Variants in SV2C observed in about 807,000 individuals in gnomAD.
SV2C encodes synaptic vesicle glycoprotein 2C, also known as solute carrier family 22 member B3.
Under a neutral mutation model 79.7 loss-of-function variants are expected in SV2C, and 49 were observed. The ratio of observed to expected loss-of-function variants is 0.61; its 90% CI spans 0.49 to 0.78. The LOEUF (loss-of-function observed/expected upper bound fraction) is 0.78, where lower values mean the gene tolerates loss of function less well. Among genes scored for constraint, SV2C ranks in the 30% least tolerant of loss-of-function variants. The pLI, the probability that SV2C is intolerant of heterozygous loss-of-function variation, is 0.00. For missense variants in SV2C, 833 were observed against 912.9 expected (o/e 0.91, Z 1.13); for synonymous variants, 334 against 333.2 (o/e 1.00, Z -0.03).
chr5:76,014,243 A>AGAAAGAAAGGAAAGGAAGAAAGT, the SV2C span, among the ~76,000 whole-genome samples: 2 of 148,278 alleles, frequency 1.3e-5, no homozygotes, highest in Non-Finnish European at 3.0e-5. Flanking sequence ...AGGAAGAAAG[A>AGAAAGAAAGGAAAGGAAGAAAGT]GAAAGAAGAA....
intron 12 of SV2C, among the ~76,000 whole-genome samples, chr5:76,344,697 G>A (rs1054205672): frequency 6.6e-6 from 1 of 152,034 alleles, no homozygotes; most frequent in Non-Finnish European, 1.5e-5. Context: ...CAACAAGAGT[G>A]AAACTCCATC....
At chr5:76,300,484 C>T (rs1156861827) in intron 10 of SV2C, among the ~76,000 whole-genome samples, 2 of 151,762 alleles carry the variant, frequency 1.3e-5, no homozygotes, top group Non-Finnish European at 2.9e-5. Context: ...ATAACTGGAC[C>T]CCTTAATTTA....
intron 4 of SV2C, chr5:76,241,875 A>G: frequency 1.7e-6 from 1 of 598,222 alleles, no homozygotes; most frequent in Admixed American, 2.9e-5. Context: ...CAAAAACAAC[A>G]ATGAAGTGTT....
At chr5:76,301,246 C>T in intron 11 of SV2C, 140 bp from the exon 12 acceptor site, 2 of 1,103,104 alleles carry the variant, frequency 1.8e-6, no homozygotes, top group Non-Finnish European at 2.6e-6. Context: ...GGTGAATGCA[C>T]CAGTTCTTGA....
At chr5:75,849,674 G>A in the SV2C span, among the ~76,000 whole-genome samples, 2 of 152,104 alleles carry the variant, frequency 1.3e-5, no homozygotes, top group Non-Finnish European at 1.5e-5. Flanking sequence ...TACATCACAA[G>A]GTCAGTATTA....
the SV2C span, among the ~76,000 whole-genome samples, chr5:76,031,913 T>A: frequency 2.0e-5 from 3 of 152,210 alleles, no homozygotes; most frequent in African/African-American, 7.2e-5. Context: ...ACTGGCTGCC[T>A]TGAGTTCCCT....
intron 3 of SV2C, among the ~76,000 whole-genome samples, chr5:76,209,469 C>T (rs1160065650): frequency 3.3e-5 from 5 of 152,122 alleles, no homozygotes; most frequent in African/African-American, 1.2e-4. Context: ...TCATGTTAAG[C>T]TCTATCAACC....
At chr5:76,015,652 G>A in the SV2C span, among the ~76,000 whole-genome samples, 217 of 152,174 alleles carry the variant, frequency 1.4e-3, 6 homozygotes, top group East Asian at 0.04. Context: ...AGCTTATGAT[G>A]AAGGACAAAA....
chr5:76,190,192 T>G (rs1262909737), intron 2 of SV2C, among the ~76,000 whole-genome samples: 1 of 152,210 alleles, frequency 6.6e-6, no homozygotes, highest in Non-Finnish European at 1.5e-5. Context: ...TTTGTAATGC[T>G]TGTTAAAGCA....
the SV2C span, among the ~76,000 whole-genome samples, chr5:76,070,801 C>T: frequency 6.6e-6 from 1 of 152,220 alleles, no homozygotes; most frequent in African/African-American, 2.4e-5. Context: ...CACTATGCTA[C>T]TTCTGCATTC....
chr5:76,046,847 T>C, the SV2C span, among the ~76,000 whole-genome samples: 12 of 152,312 alleles, frequency 7.9e-5, no homozygotes, highest in African/African-American at 2.9e-4. Flanking sequence ...TGACTGCCCT[T>C]GCTCATTCAT....
the SV2C span, among the ~76,000 whole-genome samples, chr5:76,043,347 A>G: frequency 6.6e-6 from 1 of 152,198 alleles, no homozygotes; most frequent in Non-Finnish European, 1.5e-5. Context: ...TTCCAAGGTT[A>G]AGGTGTAAAA....
the SV2C span, among the ~76,000 whole-genome samples, chr5:75,969,914 T>C: frequency 6.6e-6 from 1 of 152,094 alleles, no homozygotes; most frequent in Non-Finnish European, 1.5e-5. Context: ...ATTGACCACA[T>C]AGTTGGAAGT....
the SV2C span, among the ~76,000 whole-genome samples, chr5:75,926,989 G>A: frequency 3.3e-5 from 5 of 152,216 alleles, no homozygotes; most frequent in South Asian, 4.2e-4. Context: ...ACTATTTGGC[G>A]GAAGAAGATT....
intron 3 of SV2C, among the ~76,000 whole-genome samples, chr5:76,202,429 G>A (rs1329152691): frequency 4.6e-5 from 7 of 152,254 alleles, no homozygotes; most frequent in Admixed American, 2.0e-4. Flanking sequence ...ATGTAATCAG[G>A]TTTCATACCC....
At chr5:75,933,302 G>C in the SV2C span, among the ~76,000 whole-genome samples, 1 of 152,020 alleles carries the variant, frequency 6.6e-6, no homozygotes, top group African/African-American at 2.4e-5. Context: ...ATATTCACTT[G>C]CTTACTCACA....
At chr5:76,277,142 C>T (rs1314872799) in intron 4 of SV2C, among the ~76,000 whole-genome samples, 1 of 152,178 alleles carries the variant, frequency 6.6e-6, no homozygotes, top group Non-Finnish European at 1.5e-5. Context: ...CTTGCATACA[C>T]TACTGGTGGG....
chr5:76,342,491 G>T (rs149639997), intron 12 of SV2C, among the ~76,000 whole-genome samples: 186 of 152,352 alleles, frequency 1.2e-3, no homozygotes, highest in African/African-American at 4.1e-3. Context: ...CATGTGAAGT[G>T]ATCTCTATAC....
chr5:76,324,074 G>A (rs1421873610), intron 12 of SV2C, among the ~76,000 whole-genome samples: 1 of 151,880 alleles, frequency 6.6e-6, no homozygotes, highest in Non-Finnish European at 1.5e-5. Flanking sequence ...AAGAAAATAG[G>A]GAGTAACAAA....
Sources: gnomAD v4.1 joint callset for allele counts (sites outside exome capture counted in the v4.1 genomes callset) on GRCh38, gnomAD v4.1.1 for gene constraint, MANE v1.5 for transcripts, NCBI Gene and HGNC (gene_info 2026-07-23, HGNC 2026-07-21) for gene names.